Variants in POLR1F observed in about 807,000 individuals in gnomAD.
POLR1F encodes DNA-directed RNA polymerase I subunit RPA43.
In POLR1F, 23 loss-of-function variants were observed where a neutral mutation model predicts 21.8. The observed-to-expected ratio is 1.05, with a 90% CI of 0.76 to 1.49. POLR1F has a LOEUF of 1.49. Ranked by LOEUF, POLR1F falls within the 40% of genes most tolerant of loss-of-function variation. POLR1F has a pLI of 0.00. For synonymous variants in POLR1F, 162 were observed against 152.8 expected (o/e 1.06, Z -0.45); for missense variants, 435 against 412.1 (o/e 1.06, Z -0.48).
intron 1 of POLR1F, among the ~76,000 whole-genome samples, chr7:19,708,431 A>G (rs908612845): frequency 6.6e-6 from 1 of 152,212 alleles, no homozygotes; most frequent in Non-Finnish European, 1.5e-5. Context: ...GAAACGTTGA[A>G]TGCCAAACAG....
At chr7:19,704,733 A>T in intron 2 of POLR1F, 46 bp downstream of exon 2, 2 of 1,522,834 alleles carry the variant, frequency 1.3e-6, no homozygotes, top group Non-Finnish European at 1.8e-6. Context: ...AAGTTACATA[A>T]TTATAGAATT....
At chr7:19,700,451 C>T (rs1207212593) in intron 2 of POLR1F, 171 bp from the exon 3 acceptor site, 1 of 589,370 alleles carries the variant, frequency 1.7e-6, no homozygotes, top group African/African-American at 1.9e-5. Context: ...CATGTCATGC[C>T]AAAACATCAC....
chr7:19,700,704 G>C (rs960943628), intron 2 of POLR1F, among the ~76,000 whole-genome samples: 2 of 152,100 alleles, frequency 1.3e-5, no homozygotes, highest in Non-Finnish European at 2.9e-5. Flanking sequence ...CCTCATATGC[G>C]TTTTATAACT....
At chr7:19,704,612 T>C (rs947867488) in intron 2 of POLR1F, among the ~76,000 whole-genome samples, 167 bp downstream of exon 2, 1 of 152,212 alleles carries the variant, frequency 6.6e-6, no homozygotes, top group African/African-American at 2.4e-5. Context: ...ATTCAAAAAC[T>C]TACCTACGTT....
chr7:19,706,416 G>A (rs1313285445), intron 1 of POLR1F, among the ~76,000 whole-genome samples: 1 of 152,170 alleles, frequency 6.6e-6, no homozygotes, highest in Non-Finnish European at 1.5e-5. Flanking sequence ...TCAAGTATCA[G>A]AGTGATTCTC....
chr7:19,696,519 C>G lies in POLR1F; in HGVS notation c.*1797G>C, dbSNP rs1479261712. 1.3e-5 allele frequency: 2 copies of G among 152,026 alleles called. No individual in the cohort carries two copies. Among genetic ancestry groups the G allele is most frequent in the African/African-American group, 4.8e-5 (2 of 41,428 alleles). 9.4% of individuals were successfully genotyped at this position (152,026 alleles called of 1,614,324 possible). Reference sequence around the variant, plus strand: ...ACTAAAAATTAAATTTCTATATTGTCAAACATGATTGTATACTCAAATTTT... The same window carrying G: ...ACTAAAAATTAAATTTCTATATTGTGAAACATGATTGTATACTCAAATTTT... On this transcript the variant is annotated 3_prime_UTR_variant, in exon 4 of 4. Coordinates refer to ENST00000222567, the MANE Select transcript of POLR1F (RefSeq NM_001002926.2).
Position 19,708,885 on chromosome 7 carries a change from GCGACTGTTCA to G in POLR1F, c.122_131del (p.Val41AlafsTer44). On this transcript the variant is annotated frameshift_variant, in exon 1 of 4. Transcript: ENST00000222567. LOFTEE classifies it high-confidence loss of function. ...GCGGCCCGGCCACCAGGCATGAGTAGCGACTGTTCACCAGCGCACAAGCAGCGGCATAAGT... is the reference window on the plus strand; with the variant it reads ...GCGGCCCGGCCACCAGGCATGAGTAGCCAGCGCACAAGCAGCGGCATAAGT... 6.2e-7 allele frequency: 1 copy of G among 1,614,194 alleles called. No individual in the cohort carries two copies. The highest frequency in any genetic ancestry group is 2.2e-5 in the East Asian group (1 of 44,878).
rs767866879 is a variant in POLR1F, at chr7:19,708,757, C to A, written c.254+6G>T. The A allele has an allele frequency of 6.2e-7, 1 of 1,601,804 alleles. No homozygotes were observed. The highest frequency in any genetic ancestry group is 8.5e-7 in the Non-Finnish European group (1 of 1,169,892). ...CAAAAGAAGGAACAGGCAAAGAGATCGGTACCTCTCAGAATAGCGAAGGAG... is the reference window on the plus strand; with the variant it reads ...CAAAAGAAGGAACAGGCAAAGAGATAGGTACCTCTCAGAATAGCGAAGGAG... On this transcript the variant is annotated splice_donor_region_variant and intron_variant, in intron 1 of 3. Coordinates refer to ENST00000222567, the MANE Select transcript of POLR1F (RefSeq NM_001002926.2).
chr7:19,703,748 C>A (rs1011835309), intron 2 of POLR1F, among the ~76,000 whole-genome samples: 1 of 152,102 alleles, frequency 6.6e-6, no homozygotes, highest in African/African-American at 2.4e-5. Context: ...ATGCATGCCA[C>A]CATGACTGGC....
chr7:19,698,605 C>T lies in POLR1F; in HGVS notation c.728G>A (p.Gly243Asp). 6.2e-7 allele frequency: 1 copy of T among 1,613,264 alleles called. No homozygotes were observed. The highest frequency in any genetic ancestry group is 8.5e-7 in the Non-Finnish European group (1 of 1,179,756). ...TGCATCATCTGCTAGCTTTGTGGTA[C>T]CACTGTCCACTTCATATGTCTCTGG... is the stretch of plus-strand genomic sequence containing the variant. Reference protein sequence around the residue: ...KDPETYEVDSGTTKLADDADD... With the variant: ...KDPETYEVDSDTTKLADDADD... The change falls in exon 4 of 4, where the codon GGT becomes GAT. Residue 243 changes from glycine (G) to aspartate (D), a missense_variant. Physicochemically the swap from Gly to Asp is moderately conservative, Grantham distance 94. Coordinates refer to ENST00000222567, the MANE Select transcript of POLR1F (RefSeq NM_001002926.2).
At chr7:19,704,455 T>C (rs554778133) in intron 2 of POLR1F, among the ~76,000 whole-genome samples, 279 of 152,328 alleles carry the variant, frequency 1.8e-3, no homozygotes, top group Non-Finnish European at 3.3e-3. Context: ...TTGAATCCTT[T>C]ATAAAGAAAT....
rs1783394992 is a variant in POLR1F at position 19,698,117 on chromosome 7, T to C, written c.*199A>G. ...GCTTTTTATTTTGTATAAAATGGTATTTTAACAATACTGGCTTTCCCCAAA... is the reference window on the plus strand; with the variant it reads ...GCTTTTTATTTTGTATAAAATGGTACTTTAACAATACTGGCTTTCCCCAAA... On this transcript the variant is annotated 3_prime_UTR_variant, in exon 4 of 4. Transcript: ENST00000222567. 2.3e-6 allele frequency: 1 copy of C among 440,666 alleles called. No homozygotes were observed. Among genetic ancestry groups the C allele is most frequent in the Non-Finnish European group, 3.9e-6 (1 of 259,740 alleles). 27.3% of individuals were successfully genotyped at this position (440,666 alleles called of 1,614,324 possible). A position where few individuals can be genotyped will look rare whatever the true frequency, so the allele number is the denominator to read the frequency against.
intron 1 of POLR1F, among the ~76,000 whole-genome samples, chr7:19,708,461 C>A (rs563716268): frequency 6.6e-6 from 1 of 152,296 alleles, no homozygotes; most frequent in South Asian, 2.1e-4. Context: ...TACTAGGTCT[C>A]CAGATCCCTG....
chr7:19,707,882 C>G (rs1379392550), intron 1 of POLR1F, among the ~76,000 whole-genome samples: 1 of 152,112 alleles, frequency 6.6e-6, no homozygotes, highest in East Asian at 1.9e-4. Flanking sequence ...TCCAGGATCC[C>G]TTAAGAAACT....
At position 19,698,583 on chromosome 7, in the gene POLR1F, A is replaced by C. The variant is rs1783406259; in HGVS notation, c.750T>G (p.Asp250Glu). 1.2e-6 allele frequency: 2 copies of C among 1,613,316 alleles called. No homozygotes were observed. The highest frequency in any genetic ancestry group is 3.3e-5 in the Admixed American group (2 of 59,836). ...ACTCTTCCATTGGAGTGTCATCTGC[A>C]TCATCTGCTAGCTTTGTGGTACCAC... ...VDSGTTKLAD[D>E]ADDTPMEESA... Residue 250 changes from aspartate to glutamate, a missense_variant, in exon 4 of 4, where the codon GAT becomes GAG. Physicochemically the swap from Asp to Glu is conservative, Grantham distance 45 (BLOSUM62 2). Coordinates refer to ENST00000222567, the MANE Select transcript of POLR1F (RefSeq NM_001002926.2).
At chr7:19,705,152 T>A (rs1272170724) in intron 1 of POLR1F, among the ~76,000 whole-genome samples, 3 of 152,124 alleles carry the variant, frequency 2.0e-5, no homozygotes, top group African/African-American at 7.2e-5. Context: ...TTCATACTGA[T>A]TAGATATTCT....
chr7:19,698,934 A>C (rs1479428104), intron 3 of POLR1F, among the ~76,000 whole-genome samples: 1 of 152,132 alleles, frequency 6.6e-6, no homozygotes, highest in Non-Finnish European at 1.5e-5. Flanking sequence ...AAATTGAAAA[A>C]TGTTAAATTT....
intron 1 of POLR1F, among the ~76,000 whole-genome samples, chr7:19,708,328 T>C (rs1783564242): frequency 6.6e-6 from 1 of 152,228 alleles, no homozygotes; most frequent in South Asian, 2.1e-4. Flanking sequence ...TAATGCTTCG[T>C]ATGCTATCTT....
chr7:19,707,390 A>G (rs1370619858), intron 1 of POLR1F, among the ~76,000 whole-genome samples: 1 of 152,146 alleles, frequency 6.6e-6, no homozygotes, highest in Non-Finnish European at 1.5e-5. Flanking sequence ...CCCCAAAATA[A>G]CAAAAACTGG....
Sources: allele counts gnomAD v4.1 joint callset (sites outside exome capture counted in the v4.1 genomes callset), GRCh38; gene constraint gnomAD v4.1.1; transcripts MANE v1.5; gene names NCBI Gene and HGNC (gene_info 2026-07-23, HGNC 2026-07-21).